Variants in SYT9 observed in about 807,000 individuals in gnomAD.
SYT9 encodes synaptotagmin-9.
A neutral mutation model predicts 48.4 loss-of-function variants in SYT9; 22 were observed. The ratio of observed to expected loss-of-function variants is 0.45; its 90% CI spans 0.32 to 0.65. The LOEUF is 0.65. Among genes scored for constraint, SYT9 ranks in the 30% least tolerant of loss-of-function variants. The pLI is 0.03. For synonymous variants in SYT9, 265 were observed against 245.0 expected (o/e 1.08, Z -0.76); for missense variants, 577 against 622.0 (o/e 0.93, Z 0.77).
chr11:7,358,263 GTCT>G (rs1850061850), intron 3 of SYT9, among the ~76,000 whole-genome samples: 1 of 150,998 alleles, frequency 6.6e-6, no homozygotes, highest in Non-Finnish European at 1.5e-5. Context: ...CATAGACATT[GTCT>G]TCTTTTAAAG....
chr11:7,454,661 T>C lies in SYT9; in HGVS notation c.1468-12131T>C, dbSNP rs140396275. On this transcript the variant is annotated intron_variant, in intron 6 of 6. Transcript: ENST00000318881. ...ACACATTTTACATTGTTATGCAGAA[T>C]AACACAGCCTCTCATTCTGAGATTG... Among the ~76,000 whole-genome samples, 470 of 152,332 alleles carry C rather than the reference T, an allele frequency of 3.1e-3. 2 individuals carry two copies. Among genetic ancestry groups the C allele is most frequent in the African/African-American group, 0.011 (441 of 41,572 alleles).
At chr11:7,264,758 G>C (rs1322946427) in intron 1 of SYT9, among the ~76,000 whole-genome samples, 1 of 152,102 alleles carries the variant, frequency 6.6e-6, no homozygotes, top group African/African-American at 2.4e-5. Context: ...GGAGCTCAAA[G>C]AACTACAGGC....
chr11:7,259,138 A>T (rs1848032037), intron 1 of SYT9, among the ~76,000 whole-genome samples: 1 of 152,144 alleles, frequency 6.6e-6, no homozygotes, highest in African/African-American at 2.4e-5. Context: ...TTTATTTGTG[A>T]TGCTGACAAC....
chr11:7,285,576 T>G (rs903534039), intron 1 of SYT9, among the ~76,000 whole-genome samples: 3 of 152,140 alleles, frequency 2.0e-5, no homozygotes, highest in African/African-American at 7.2e-5. Context: ...CATGGCCTCA[T>G]ATTTCAAAAC....
At chr11:7,295,573 C>G (rs1848785795) in intron 1 of SYT9, among the ~76,000 whole-genome samples, 1 of 152,236 alleles carries the variant, frequency 6.6e-6, no homozygotes. Flanking sequence ...ACCAGAATTG[C>G]TCTTAATGGT....
At chr11:7,282,502 A>G (rs956737848) in intron 1 of SYT9, among the ~76,000 whole-genome samples, 42 of 152,214 alleles carry the variant, frequency 2.8e-4, no homozygotes, top group African/African-American at 9.4e-4. Flanking sequence ...AGAGACAGTC[A>G]GGTAGACAGA....
intron 6 of SYT9, among the ~76,000 whole-genome samples, chr11:7,456,414 C>G (rs1195936449): frequency 6.6e-6 from 1 of 152,248 alleles, no homozygotes; most frequent in Admixed American, 6.5e-5. Flanking sequence ...AGGAGAGAGG[C>G]AAGCTGCCTG....
In SYT9 at chr11:7,303,201, A is replaced by T; in HGVS notation, c.308A>T (p.Asp103Val). Residue 103 changes from aspartate (D) to valine (V), a missense_variant, in exon 2 of 7, where the codon GAC becomes GTC. Physicochemically the swap from Asp to Val is radical, Grantham distance 152. Coordinates refer to ENST00000318881, the MANE Select transcript of SYT9 (RefSeq NM_175733.4). ...AACCAGGAGCCCCTTAACTACATGGACACAGAGACCAATGAGCAGGAGAAC... is the reference window on the plus strand; with the variant it reads ...AACCAGGAGCCCCTTAACTACATGGTCACAGAGACCAATGAGCAGGAGAAC... ...DNNQEPLNYMDTETNEQENSE... is the reference protein window; with the variant it reads ...DNNQEPLNYMVTETNEQENSE... The T allele has an allele frequency of 6.2e-7, 1 of 1,614,124 alleles. No individual in the cohort carries two copies. The highest frequency in any genetic ancestry group is 1.1e-5 in the South Asian group (1 of 91,070).
intron 3 of SYT9, among the ~76,000 whole-genome samples, chr11:7,377,834 G>A (rs1321623087): frequency 2.6e-5 from 4 of 152,150 alleles, no homozygotes; most frequent in Admixed American, 2.6e-4. Context: ...AGGCTCTGTA[G>A]TCAGACTGCC....
chr11:7,386,875 A>G (rs1329281941), intron 3 of SYT9, among the ~76,000 whole-genome samples: 1 of 152,236 alleles, frequency 6.6e-6, no homozygotes, highest in Non-Finnish European at 1.5e-5. Flanking sequence ...ACTATTCACA[A>G]TAGCAAAGAC....
At chr11:7,367,814 C>T (rs187303396) in intron 3 of SYT9, among the ~76,000 whole-genome samples, 1 of 152,276 alleles carries the variant, frequency 6.6e-6, no homozygotes, top group Non-Finnish European at 1.5e-5. Context: ...AACCCACACC[C>T]TCATTCCTGA....
upstream of SYT9, among the ~76,000 whole-genome samples, chr11:7,248,560 T>C (rs550256272): frequency 6.6e-6 from 1 of 152,258 alleles, no homozygotes; most frequent in African/African-American, 2.4e-5. Flanking sequence ...TAGCCAATTA[T>C]TGCAGCACCA....
intron 3 of SYT9, among the ~76,000 whole-genome samples, chr11:7,356,382 A>G (rs1180884949): frequency 1.3e-5 from 2 of 152,218 alleles, no homozygotes; most frequent in African/African-American, 4.8e-5. Flanking sequence ...GTTCTAAATT[A>G]TGAGCAATTA....
intron 6 of SYT9, among the ~76,000 whole-genome samples, chr11:7,433,474 C>T (rs1847648742): frequency 6.6e-6 from 1 of 152,158 alleles, no homozygotes; most frequent in African/African-American, 2.4e-5. Flanking sequence ...AGAAGTGGAT[C>T]CAAATACATC....
Position 7,252,135 on chromosome 11 carries a change from G to A in SYT9, c.-52G>A. 2.2e-6 allele frequency: 3 copies of A among 1,363,936 alleles called. No homozygotes were observed. Among genetic ancestry groups the A allele is most frequent in the Non-Finnish European group, 2.8e-6 (3 of 1,063,672 alleles). The allele number at this position is 1,363,936 out of a possible 1,614,324, so 84.5% of individuals were successfully genotyped here. A position where few individuals can be genotyped will look rare whatever the true frequency, so the allele number is the denominator to read the frequency against. ...GGCGGCTCTGAGCTGGCAGGCGGAG[G>A]GCTGTCTCCTGCGCCCGCCTGCCCG... On this transcript the variant is annotated 5_prime_UTR_variant, in exon 1 of 7. Coordinates refer to ENST00000318881, the MANE Select transcript of SYT9 (RefSeq NM_175733.4). This position sits in a 1 kb window ranked among gnomAD's most constrained non-coding sequence, Gnocchi z 6.3.
At chr11:7,279,819 A>G (rs1311673557) in intron 1 of SYT9, among the ~76,000 whole-genome samples, 1 of 152,128 alleles carries the variant, frequency 6.6e-6, no homozygotes, top group African/African-American at 2.4e-5. Context: ...TGACCCAGAA[A>G]TTTCTGATCT....
rs151063048 is a variant in SYT9 at position 7,294,413 on chromosome 11, A to G, written c.146-8626A>G. On this transcript the variant is annotated intron_variant, in intron 1 of 6. Coordinates refer to ENST00000318881, the MANE Select transcript of SYT9 (RefSeq NM_175733.4). Reference sequence around the variant, plus strand: ...TCCAGTCTCATCTAAATATTATCTAAATTAAATATGGATGAGACTTAAAAT... The same window carrying G: ...TCCAGTCTCATCTAAATATTATCTAGATTAAATATGGATGAGACTTAAAAT... 3.4e-3 allele frequency among the ~76,000 whole-genome samples: 513 copies of G among 152,300 alleles called. 2 individuals are homozygous for G. The highest frequency in any genetic ancestry group is 5.1e-3 in the Non-Finnish European group (344 of 68,012).
At chr11:7,323,303 TTCTC>T (rs1248543749) in intron 3 of SYT9, among the ~76,000 whole-genome samples, 1 of 152,152 alleles carries the variant, frequency 6.6e-6, no homozygotes, top group Non-Finnish European at 1.5e-5. Flanking sequence ...TTAGACTATG[TTCTC>T]TCTAACACTT....
intron 3 of SYT9, among the ~76,000 whole-genome samples, chr11:7,367,377 G>C (rs1850274021): frequency 6.7e-6 from 1 of 149,180 alleles, no homozygotes. Flanking sequence ...CACCGCGCCC[G>C]GCCTTCCAGG....
Sources: gnomAD v4.1 joint callset for allele counts (sites outside exome capture counted in the v4.1 genomes callset) on GRCh38, gnomAD v4.1.1 for gene constraint, Gnocchi (gnomAD v3.1) non-coding constraint, MANE v1.5 for transcripts, NCBI Gene and HGNC (gene_info 2026-07-23, HGNC 2026-07-21) for gene names.